ADGRG3: variants seen among roughly 807,000 people sequenced by gnomAD.
ADGRG3 encodes adhesion G protein-coupled receptor G3, also known as G protein-coupled receptor 97.
ADGRG3 carries 39 observed loss-of-function variants against 54.3 expected under a neutral mutation model. The ratio of observed to expected loss-of-function variants is 0.72; its 90% CI spans 0.56 to 0.94. The LOEUF is 0.94. Among genes scored for constraint, ADGRG3 ranks in the 40% least tolerant of loss-of-function variants. The pLI is 0.00. For missense variants in ADGRG3, 654 were observed against 694.6 expected (o/e 0.94, Z 0.66); for synonymous variants, 312 against 290.0 (o/e 1.08, Z -0.77).
chr16:57,665,934 G>A (rs1265057101), upstream of ADGRG3, among the ~76,000 whole-genome samples: 4 of 152,092 alleles, frequency 2.6e-5, no homozygotes, highest in African/African-American at 4.8e-5. Context: ...GAACCCCTGT[G>A]CCCTGCTGCT....
At chr16:57,671,332 G>GTTTTTTTTT (rs60592653) in intron 1 of ADGRG3, among the ~76,000 whole-genome samples, 1 of 86,338 alleles carries the variant, frequency 1.2e-5, no homozygotes, top group Admixed American at 1.3e-4. Context: ...TAGAATAGGA[G>GTTTTTTTTT]TTTTTTTTTT....
chr16:57,682,080 C>T (rs1323397039), intron 8 of ADGRG3, among the ~76,000 whole-genome samples: 1 of 152,244 alleles, frequency 6.6e-6, no homozygotes, highest in African/African-American at 2.4e-5. Flanking sequence ...ACAAAGAACC[C>T]CTGGCCCCTG....
intron 4 of ADGRG3, 58 bp downstream of exon 4, chr16:57,678,374 A>G: frequency 6.4e-7 from 1 of 1,560,330 alleles, no homozygotes. Flanking sequence ...GCTCCATGCC[A>G]CAGTTTGCTG....
chr16:57,666,648 G>T (rs958178033), upstream of ADGRG3, among the ~76,000 whole-genome samples: 12 of 152,076 alleles, frequency 7.9e-5, no homozygotes, highest in Admixed American at 7.2e-4. Flanking sequence ...CCTGGGGTTG[G>T]GGGGGGTCTC....
Position 57,678,307 on chromosome 16 carries a change from T to C in ADGRG3, c.483T>C (p.Thr161=). 1.9e-6 allele frequency: 3 copies of C among 1,614,146 alleles called. No homozygotes were observed. The highest frequency in any genetic ancestry group is 2.5e-6 in the Non-Finnish European group (3 of 1,179,980). The change falls in exon 4 of 12, where the codon ACT becomes ACC. Residue 161 remains threonine (T), a synonymous_variant. Transcript: ENST00000333493. ...CCATTCTGGACATTGGTCCAGGGACTCTCTTCAAGGTGAGGACTCAGGGAA... is the reference window on the plus strand; with the variant it reads ...CCATTCTGGACATTGGTCCAGGGACCCTCTTCAAGGTGAGGACTCAGGGAA... ...AVTILDIGPG[T]LFKGPRLGLG...
At chr16:57,673,286 C>T in intron 1 of ADGRG3, 35 bp from the exon 2 acceptor site, 1 of 1,589,200 alleles carries the variant, frequency 6.3e-7, no homozygotes, top group East Asian at 2.3e-5. Context: ...CCATCTTCGT[C>T]CAGCCCATTC....
At chr16:57,676,161 G>T (rs377083126) in intron 2 of ADGRG3, 39 bp from the exon 3 acceptor site, 9 of 1,601,116 alleles carry the variant, frequency 5.6e-6, no homozygotes, top group Middle Eastern at 1.7e-4. Context: ...AACTCAGCCT[G>T]CAGGATCCTA....
intron 1 of ADGRG3, among the ~76,000 whole-genome samples, chr16:57,671,497 C>T (rs1210088989): frequency 1.3e-5 from 2 of 151,998 alleles, no homozygotes; most frequent in African/African-American, 4.8e-5. Flanking sequence ...CCCACCACCA[C>T]GTCCGGCTAA....
intron 8 of ADGRG3, among the ~76,000 whole-genome samples, chr16:57,681,373 T>TGTGCGCGCGTGC (rs2048365667): frequency 2.4e-5 from 2 of 83,496 alleles, no homozygotes; most frequent in Admixed American, 2.3e-4. Context: ...TGTGTGTGTG[T>TGTGCGCGCGTGC]GTGCGCGCGT....
At chr16:57,669,307 C>A (rs1434974783) in intron 1 of ADGRG3, among the ~76,000 whole-genome samples, 1 of 152,240 alleles carries the variant, frequency 6.6e-6, no homozygotes, top group Non-Finnish European at 1.5e-5. Flanking sequence ...TAACCCTCTT[C>A]TTTTCAAACA....
chr16:57,683,673 T>C (rs1156324118), intron 8 of ADGRG3, among the ~76,000 whole-genome samples: 2 of 152,204 alleles, frequency 1.3e-5, no homozygotes, highest in East Asian at 3.8e-4. Context: ...TTCCCTATTA[T>C]CCTGCCTCAC....
At chr16:57,666,070 C>T (rs1170033088), upstream of ADGRG3, among the ~76,000 whole-genome samples, 1 of 152,094 alleles carries the variant, frequency 6.6e-6, no homozygotes, top group African/African-American at 2.4e-5. Flanking sequence ...CCAAGCCTCC[C>T]CTACCCCAGT....
Position 57,680,524 on chromosome 16 carries a change from C to G in ADGRG3, c.788C>G (p.Ser263Cys). The G allele has an allele frequency of 2.5e-6, 4 of 1,613,826 alleles. No individual in the cohort carries two copies. Among genetic ancestry groups the G allele is most frequent in the Middle Eastern group, 3.3e-4 (2 of 6,060 alleles). The change falls in exon 8 of 12, where the codon TCC (serine) becomes TGC (cysteine). Residue 263 changes from serine (S) to cysteine (C), a missense_variant. Ser to Cys is a moderately radical substitution (Grantham distance 112, BLOSUM62 -1). Coordinates refer to ENST00000333493, the MANE Select transcript of ADGRG3 (RefSeq NM_170776.5). ...ALLLRPTLDQ[S>C]TVHILTRISQ... ...CCACAGAGACCCACCTTGGACCAGT[C>G]CACGGTGCATATCCTCACACGCATC...
chr16:57,686,790 TC>T (rs1265831338), intron 11 of ADGRG3: 1 of 152,240 alleles, frequency 6.6e-6, no homozygotes, highest in African/African-American at 2.4e-5. Flanking sequence ...TGATATGATG[TC>T]CACATGACAT....
intron 8 of ADGRG3, chr16:57,682,357 C>T (rs1297402778): frequency 5.2e-6 from 2 of 387,400 alleles, no homozygotes; most frequent in African/African-American, 4.4e-5. Flanking sequence ...CCAGGGCCGT[C>T]CCTCCGCCCT....
At chr16:57,667,679 T>G (rs1444634405), upstream of ADGRG3, among the ~76,000 whole-genome samples, 2 of 152,174 alleles carry the variant, frequency 1.3e-5, no homozygotes, top group African/African-American at 4.8e-5. Flanking sequence ...GCCGCACTGC[T>G]GTCTTCCCGC....
upstream of ADGRG3, among the ~76,000 whole-genome samples, chr16:57,667,338 T>C (rs11076198): frequency 0.6 from 90,637 of 152,204 alleles, 28,022 homozygotes; most frequent in East Asian, 0.74. Flanking sequence ...ACCTTCCAAT[T>C]GCCAAGTGGC....
chr16:57,678,362 G>A, intron 4 of ADGRG3, 46 bp downstream of exon 4: 2 of 1,593,912 alleles, frequency 1.3e-6, no homozygotes, highest in Non-Finnish European at 8.6e-7. Context: ...GGTCCTCTGG[G>A]GGCTCCATGC....
At chr16:57,666,206 C>T (rs1567846839), upstream of ADGRG3, among the ~76,000 whole-genome samples, 2 of 152,156 alleles carry the variant, frequency 1.3e-5, no homozygotes, top group Non-Finnish European at 2.9e-5. Context: ...GTTGAGGCAA[C>T]TCCCCCCATC....
Sources: gnomAD v4.1 joint callset for allele counts (sites outside exome capture counted in the v4.1 genomes callset) on GRCh38, gnomAD v4.1.1 for gene constraint, MANE v1.5 for transcripts, NCBI Gene and HGNC (gene_info 2026-07-23, HGNC 2026-07-21) for gene names.